Variants in LOXL2 observed in about 807,000 individuals in gnomAD.
The protein encoded by LOXL2 is lysyl oxidase like 2.
LOXL2 carries 70 observed loss-of-function variants against 93.0 expected under a neutral mutation model. The ratio of observed to expected loss-of-function variants is 0.75; its 90% CI spans 0.62 to 0.92. LOXL2 has a LOEUF of 0.92. Ranked by LOEUF, LOXL2 falls within the 40% of genes least tolerant of loss-of-function variation. The probability of loss-of-function intolerance (pLI) is 0.00; values close to 1 mark genes in which losing one functional copy is unlikely to be tolerated. For missense variants in LOXL2, 973 were observed against 1,054.9 expected, an observed-to-expected ratio of 0.92 and a Z score of 1.08; for synonymous variants, 438 against 413.2, an observed-to-expected ratio of 1.06 and a Z score of -0.73.
chr8:23,328,542 G>A lies in LOXL2; in HGVS notation c.990C>T (p.Gly330=), dbSNP rs148067305. The A allele has an allele frequency of 2.4e-3, 3,837 of 1,613,912 alleles. 7 individuals carry two copies. The highest frequency in any genetic ancestry group is 3.0e-3 in the Non-Finnish European group (3,539 of 1,180,004). The change falls in exon 6 of 14, where the codon GGC becomes GGT. Residue 330 remains glycine, a synonymous_variant. Coordinates refer to ENST00000389131, the MANE Select transcript of LOXL2 (RefSeq NM_002318.3). ...CGCGGCCCTCCCCGATGTAGGCACC[G>A]CCTCTCAGTCGCACCAGGGGTTGCT... is the stretch of plus-strand genomic sequence containing the variant. ...KPEQPLVRLR[G]GAYIGEGRVE... is the part of the protein sequence containing the mutation.
intron 1 of LOXL2, among the ~76,000 whole-genome samples, chr8:23,402,395 T>A (rs1800164265): frequency 6.6e-6 from 1 of 152,138 alleles, no homozygotes; most frequent in Non-Finnish European, 1.5e-5. Flanking sequence ...CTGGGGCCCA[T>A]GGGGAGCACG....
At chr8:23,317,155 A>C (rs78917444) in intron 8 of LOXL2, 41 bp from the exon 9 acceptor site, 343 of 1,571,920 alleles carry the variant, frequency 2.2e-4, no homozygotes, top group Non-Finnish European at 2.7e-4. Context: ...ACATCATCTC[A>C]AACTGTCACT....
chr8:23,307,567 G>A (rs567255013), intron 10 of LOXL2, among the ~76,000 whole-genome samples: 47 of 152,308 alleles, frequency 3.1e-4, no homozygotes, highest in African/African-American at 9.4e-4. Context: ...TCCTTGGAGC[G>A]TAAGTGTATG....
At chr8:23,375,807 G>T (rs1454981432) in intron 1 of LOXL2, among the ~76,000 whole-genome samples, 1 of 152,202 alleles carries the variant, frequency 6.6e-6, no homozygotes, top group Non-Finnish European at 1.5e-5. Context: ...AGACTTTGCT[G>T]AAGTTGCTTA....
intron 3 of LOXL2, among the ~76,000 whole-genome samples, chr8:23,346,163 T>TAAA (rs1563197461): frequency 1.4e-3 from 102 of 74,092 alleles, no homozygotes; most frequent in African/African-American, 5.9e-3. Context: ...AAATAAAAAA[T>TAAA]AAAATAAAAT....
At chr8:23,391,380 G>A (rs780286944) in intron 1 of LOXL2, among the ~76,000 whole-genome samples, 8 of 152,076 alleles carry the variant, frequency 5.3e-5, no homozygotes, top group Admixed American at 3.9e-4. Context: ...GGTTCTTCAC[G>A]GGCTACATCA....
rs182767488 is a variant in LOXL2, at chr8:23,395,082, C to T, written c.-84+8872G>A. Among the ~76,000 whole-genome samples, 1,209 of 152,124 alleles carry T rather than the reference C, an allele frequency of 7.9e-3. 10 individuals are homozygous for T. Among genetic ancestry groups the T allele is most frequent in the African/African-American group, 0.027 (1,135 of 41,506 alleles). On this transcript the variant is annotated intron_variant, in intron 1 of 13. Coordinates refer to ENST00000389131, the MANE Select transcript of LOXL2 (RefSeq NM_002318.3). ...CATCCTGGCCAACATGGTGAAACCC[C>T]GTCTCTACTAAAAATACAAAAATTA...
chr8:23,345,515 C>A (rs559786898), intron 3 of LOXL2, among the ~76,000 whole-genome samples: 2 of 152,302 alleles, frequency 1.3e-5, no homozygotes, highest in African/African-American at 4.8e-5. Context: ...GGCAGGGAAG[C>A]CCTCTGGGGC....
At chr8:23,368,532 G>C in intron 1 of LOXL2, 98 bp from the exon 2 acceptor site, 3 of 612,214 alleles carry the variant, frequency 4.9e-6, no homozygotes, top group Non-Finnish European at 5.8e-6. Context: ...AATATGGAAA[G>C]CTCGTCCATT....
chr8:23,331,285 C>T (rs924311714), intron 5 of LOXL2, among the ~76,000 whole-genome samples: 17 of 152,216 alleles, frequency 1.1e-4, no homozygotes, highest in African/African-American at 3.9e-4. Flanking sequence ...TCCTGCCTGG[C>T]TGCCTGGACC....
Position 23,319,968 on chromosome 8 carries a change from C to A in LOXL2, c.1387G>T (p.Val463Leu). The A allele has an allele frequency of 1.2e-6, 2 of 1,614,102 alleles. No homozygotes were observed. Among genetic ancestry groups the A allele is most frequent in the Non-Finnish European group, 1.7e-6 (2 of 1,179,970 alleles). The change falls in exon 8 of 14, where the codon GTG becomes TTG. Residue 463 changes from valine to leucine, a missense_variant. Coordinates refer to ENST00000389131, the MANE Select transcript of LOXL2 (RefSeq NM_002318.3). The part of the protein sequence containing the change: ...ERNGSLVWGM[V>L]CGQNWGIVEA... ...ACGATGCCCCAGTTTTGGCCACACA[C>A]CATCCCCCACACAAGGGACCCGTTT...
At position 23,307,953 on chromosome 8, in the gene LOXL2, G is replaced by GGAAAAAAAAAAAAAA. The variant is rs58347035; in HGVS notation, c.1880+1714_1880+1715insTTTTTTTTTTTTTTC. 5.6e-3 allele frequency among the ~76,000 whole-genome samples: 472 copies of GGAAAAAAAAAAAAAA among 83,544 alleles called. 164 individuals are homozygous for GGAAAAAAAAAAAAAA. The highest frequency in any genetic ancestry group is 0.026 in the Middle Eastern group (2 of 78). 54.8% of individuals were successfully genotyped at this position (83,544 alleles called of 152,430 possible). On this transcript the variant is annotated intron_variant, in intron 10 of 13. Transcript: ENST00000389131. ...GTGACTAGGTCATCAGCTGCGATAT[G>GGAAAAAAAAAAAAAA]AAAAAAAAAAAAAAAAAAAAGCCAA...
At chr8:23,378,936 T>G (rs1041590644) in intron 1 of LOXL2, among the ~76,000 whole-genome samples, 6 of 152,250 alleles carry the variant, frequency 3.9e-5, no homozygotes, top group Admixed American at 2.6e-4. Flanking sequence ...TCTCTCAACT[T>G]GTCAGTCATT....
chr8:23,389,733 C>G (rs578145644), intron 1 of LOXL2, among the ~76,000 whole-genome samples: 4 of 152,212 alleles, frequency 2.6e-5, no homozygotes, highest in Non-Finnish European at 5.9e-5. Flanking sequence ...GTCCCCTTCC[C>G]TAATATGAGT....
At chr8:23,401,871 T>A (rs143926604) in intron 1 of LOXL2, among the ~76,000 whole-genome samples, 1 of 152,388 alleles carries the variant, frequency 6.6e-6, no homozygotes, top group Non-Finnish European at 1.5e-5. Flanking sequence ...TCAGCCAATG[T>A]GTGGTGTTAA....
intron 3 of LOXL2, among the ~76,000 whole-genome samples, chr8:23,344,040 G>A: frequency 6.6e-6 from 1 of 152,238 alleles, no homozygotes. Context: ...TCGCTGCAGG[G>A]AAGGTGTGAC....
Position 23,317,005 on chromosome 8 carries a change from T to C in LOXL2, c.1580A>G (p.Asp527Gly). The C allele has an allele frequency of 1.2e-6, 2 of 1,614,104 alleles. No homozygotes were observed. Among genetic ancestry groups the C allele is most frequent in the Non-Finnish European group, 1.7e-6 (2 of 1,179,972 alleles). The change falls in exon 9 of 14, where the codon GAC becomes GGC. Residue 527 changes from aspartate to glycine, a missense_variant. Coordinates refer to ENST00000389131, the MANE Select transcript of LOXL2 (RefSeq NM_002318.3). ...SLAHCRHDGE[D>G]VACPQGGVQY... ...CACTCCGCCCTGGGGGCAGGCCACGTCCTCCCCGTCGTGGCGGCAGTGCGC... is the reference window on the plus strand; with the variant it reads ...CACTCCGCCCTGGGGGCAGGCCACGCCCTCCCCGTCGTGGCGGCAGTGCGC...
At chr8:23,394,665 C>G (rs187211492) in intron 1 of LOXL2, among the ~76,000 whole-genome samples, 23 of 152,240 alleles carry the variant, frequency 1.5e-4, no homozygotes, top group Admixed American at 1.1e-3. Flanking sequence ...ATGTAAAATA[C>G]TACAGCCACT....
chr8:23,380,391 C>CA (rs1219621037), intron 1 of LOXL2, among the ~76,000 whole-genome samples: 7,886 of 54,266 alleles, frequency 0.15, 483 homozygotes, highest in Middle Eastern at 0.3. Context: ...GACTCCGTCT[C>CA]AAAAAAAAAA....
Sources: allele counts gnomAD v4.1 joint callset (sites outside exome capture counted in the v4.1 genomes callset), GRCh38; gene constraint gnomAD v4.1.1; transcripts MANE v1.5; gene names NCBI Gene and HGNC (gene_info 2026-07-23, HGNC 2026-07-21).